Variants in ZSWIM9 observed in about 807,000 individuals in gnomAD.
ZSWIM9 encodes the protein uncharacterized protein ZSWIM9.
ZSWIM9 carries 11 observed loss-of-function variants against 25.0 expected under a neutral mutation model. That is an observed-to-expected ratio of 0.44 (90% CI 0.28 to 0.73). The LOEUF (loss-of-function observed/expected upper bound fraction) is 0.73, where lower values mean the gene tolerates loss of function less well. Ranked by LOEUF, ZSWIM9 falls within the 30% of genes least tolerant of loss-of-function variation. The probability of loss-of-function intolerance (pLI) is 0.16; values close to 1 mark genes in which losing one functional copy is unlikely to be tolerated. For missense variants in ZSWIM9, 1,070 were observed against 1,296.5 expected (o/e 0.83, Z 2.68); for synonymous variants, 562 against 582.1 (o/e 0.97, Z 0.50).
At chr19:48,179,147 T>C (rs1330273975) in intron 2 of ZSWIM9, among the ~76,000 whole-genome samples, 1 of 152,152 alleles carries the variant, frequency 6.6e-6, no homozygotes, top group Non-Finnish European at 1.5e-5. Context: ...CTGATTTTTT[T>C]TTCCTATTCC....
chr19:48,189,248 C>A (rs1240973429), intron 3 of ZSWIM9, among the ~76,000 whole-genome samples: 1 of 152,166 alleles, frequency 6.6e-6, no homozygotes, highest in Non-Finnish European at 1.5e-5. Context: ...CCAGACTCCA[C>A]CAACGGGTAA....
chr19:48,172,111 GAA>G, intron 2 of ZSWIM9, 34 bp downstream of exon 2: 1 of 934,726 alleles, frequency 1.1e-6, no homozygotes, highest in East Asian at 5.4e-5. Context: ...CTGCTGGGGG[GAA>G]GGGGAGCACC....
Position 48,194,460 on chromosome 19 carries a change from C to A in ZSWIM9, c.589-193C>A, listed in dbSNP as rs1479267158. 6.6e-6 allele frequency among the ~76,000 whole-genome samples: 1 copy of A among 152,222 alleles called. No homozygotes were observed. The highest frequency in any genetic ancestry group is 1.9e-4 in the East Asian group (1 of 5,194). ...GTGGTACCTGGATCTCAAACCCAGG[C>A]AATCCGGCTCCAGAGTGTTTTTAAC... is the stretch of plus-strand genomic sequence containing the variant. On this transcript the variant is annotated intron_variant, in intron 3 of 3. Coordinates refer to ENST00000614654, the MANE Select transcript of ZSWIM9 (RefSeq NM_199341.4). This position sits in a 1 kb window ranked among gnomAD's most constrained non-coding sequence, Gnocchi z 6.0.
intron 1 of ZSWIM9, among the ~76,000 whole-genome samples, chr19:48,171,591 A>C (rs1319758653): frequency 2.0e-5 from 3 of 152,128 alleles, no homozygotes. Flanking sequence ...CAAGTGAACC[A>C]GGGATAAGGC....
At chr19:48,193,003 C>G (rs1294046346) in intron 3 of ZSWIM9, 2 of 155,310 alleles carry the variant, frequency 1.3e-5, no homozygotes, top group East Asian at 3.9e-4. Flanking sequence ...GTATTGCTAG[C>G]CAGGGACACT....
Position 48,187,600 on chromosome 19 carries a change from T to TAAA in ZSWIM9, c.588+4833_588+4834insAAA, listed in dbSNP as rs1489458152. 6.5e-3 allele frequency: 658 copies of TAAA among 101,498 alleles called. 19 individuals are homozygous for TAAA. The highest frequency in any genetic ancestry group is 0.025 in the African/African-American group (625 of 25,464). 6.3% of individuals were successfully genotyped at this position (101,498 alleles called of 1,614,324 possible). A position where few individuals can be genotyped will look rare whatever the true frequency, so the allele number is the denominator to read the frequency against. ...ATATTATATATTATATAATATAATA[T>TAAA]TATATATTATATTAATATTATAATA... is the stretch of plus-strand genomic sequence containing the variant. On this transcript the variant is annotated intron_variant, in intron 3 of 3. Transcript: ENST00000614654.
chr19:48,171,789 C>T lies in ZSWIM9; in HGVS notation c.-9-5C>T. The T allele has an allele frequency of 6.5e-7, 1 of 1,526,908 alleles. No homozygotes were observed. Among genetic ancestry groups the T allele is most frequent in the Non-Finnish European group, 8.8e-7 (1 of 1,142,600 alleles). The allele number at this position is 1,526,908 out of a possible 1,614,324, so 94.6% of individuals were successfully genotyped here. The stretch of plus-strand genomic sequence containing the variant: ...TATCCACCTGTTCTCCCCTCCTCCA[C>T]GCAGGCCCCCAGGATGGAGCGGCCG... On this transcript the variant is annotated splice_polypyrimidine_tract_variant and splice_region_variant and intron_variant, in intron 1 of 3. Transcript: ENST00000614654.
intron 3 of ZSWIM9, chr19:48,187,538 T>TATTA (rs2037038658): frequency 3.6e-5 from 1 of 27,620 alleles, no homozygotes; most frequent in Non-Finnish European, 7.9e-5. Context: ...TATATTATTA[T>TATTA]TATATTATAT....
Position 48,183,838 on chromosome 19 carries a change from G to C in ZSWIM9, c.588+1071G>C, listed in dbSNP as rs1282252979. On this transcript the variant is annotated intron_variant, in intron 3 of 3. Coordinates refer to ENST00000614654, the MANE Select transcript of ZSWIM9 (RefSeq NM_199341.4). ...TTTTGTAGAGATGTTTGGCGGGGGG[G>C]GGTCTCCCTATGTTGCCCAGGCTAG... Among the ~76,000 whole-genome samples, 11 of 150,984 alleles carry C rather than the reference G, an allele frequency of 7.3e-5. No homozygotes were observed. In the East Asian group the frequency reaches 1.2e-3, roughly 16 times the overall value.
At chr19:48,184,538 T>C (rs1298072516) in intron 3 of ZSWIM9, among the ~76,000 whole-genome samples, 1 of 152,194 alleles carries the variant, frequency 6.6e-6, no homozygotes, top group African/African-American at 2.4e-5. Flanking sequence ...TCTGGCACAC[T>C]CTTCCTGTCT....
At chr19:48,180,264 C>A (rs2036934123) in intron 2 of ZSWIM9, among the ~76,000 whole-genome samples, 3 of 152,128 alleles carry the variant, frequency 2.0e-5, no homozygotes, top group Admixed American at 6.5e-5. Context: ...GATCCGCCCA[C>A]CTCGGCCTCC....
In ZSWIM9 at chr19:48,195,395, C is replaced by T. The variant is rs1473640046; in HGVS notation, c.1331C>T (p.Pro444Leu). Residue 444 changes from proline (P) to leucine (L), a missense_variant, in exon 4 of 4, where the codon CCC becomes CTC. Pro to Leu is a moderately conservative substitution (Grantham distance 98). This residue lies in a region of ZSWIM9 where 583 missense variants were observed against 624.7 expected (regional missense o/e 0.93). Transcript: ENST00000614654. The surrounding 1 kb of genome is among the most constrained non-coding windows in gnomAD (Gnocchi z 5.8). ...GCCGACGCGGCCGGGGAGGCGGTGCCCGAGGGGCCCGATGGCGGGGGGCCT... is the reference window on the plus strand; with the variant it reads ...GCCGACGCGGCCGGGGAGGCGGTGCTCGAGGGGCCCGATGGCGGGGGGCCT... The part of the protein sequence containing the change: ...QWADAAGEAV[P>L]EGPDGGGPWL... 6.8e-7 allele frequency: 1 copy of T among 1,476,670 alleles called. No homozygotes were observed. The highest frequency in any genetic ancestry group is 2.6e-5 in the East Asian group (1 of 38,782). 91.5% of individuals were successfully genotyped at this position (1,476,670 alleles called of 1,614,324 possible).
intron 2 of ZSWIM9, among the ~76,000 whole-genome samples, chr19:48,173,257 C>T (rs1168584410): frequency 6.6e-6 from 1 of 152,206 alleles, no homozygotes; most frequent in Admixed American, 6.5e-5. Flanking sequence ...GAATCACACC[C>T]AGGTGGCCAG....
At chr19:48,180,326 T>A (rs1226359221) in intron 2 of ZSWIM9, among the ~76,000 whole-genome samples, 5 of 32,666 alleles carry the variant, frequency 1.5e-4, no homozygotes, top group Non-Finnish European at 6.5e-5. Flanking sequence ...ATTCTTCCAA[T>A]TTTTTTTTTT....
At chr19:48,193,659 G>A (rs1461882764) in intron 3 of ZSWIM9, among the ~76,000 whole-genome samples, 1 of 152,214 alleles carries the variant, frequency 6.6e-6, no homozygotes, top group East Asian at 1.9e-4. Context: ...TGTCTGCTTA[G>A]TTGGGAAGTC....
At position 48,182,149 on chromosome 19, in the gene ZSWIM9, C is replaced by A; in HGVS notation, c.276-306C>A. The A allele has an allele frequency of 7.9e-6, 3 of 378,582 alleles. No individual in the cohort carries two copies. Among genetic ancestry groups the A allele is most frequent in the Non-Finnish European group, 9.5e-6 (2 of 211,368 alleles). The allele number at this position is 378,582 out of a possible 1,614,324, so 23.5% of individuals were successfully genotyped here. The stretch of plus-strand genomic sequence containing the variant: ...GTGGTAGGTATAGAATTTTAGTGAA[C>A]ACTTACTGCTTGCCATATTCCAGAC... On this transcript the variant is annotated intron_variant, in intron 2 of 3. Coordinates refer to ENST00000614654, the MANE Select transcript of ZSWIM9 (RefSeq NM_199341.4). The surrounding 1 kb of genome is among the most constrained non-coding windows in gnomAD (Gnocchi z 4.6).
chr19:48,179,014 A>G (rs1339493122), intron 2 of ZSWIM9, among the ~76,000 whole-genome samples: 4 of 152,218 alleles, frequency 2.6e-5, no homozygotes, highest in African/African-American at 9.6e-5. Context: ...AATGTTTGAC[A>G]GCTCCTGCTG....
At chr19:48,186,083 G>A (rs2037007437) in intron 3 of ZSWIM9, among the ~76,000 whole-genome samples, 2 of 152,232 alleles carry the variant, frequency 1.3e-5, no homozygotes, top group South Asian at 4.1e-4. Context: ...AGGCCAGTAT[G>A]ACTGAGGAAC....
intron 2 of ZSWIM9, 52 bp downstream of exon 2, chr19:48,172,129 TGGGTGTGGGTGGG>T: frequency 2.9e-6 from 1 of 349,934 alleles, no homozygotes. Flanking sequence ...GCACCGGGGG[TGGGTGTGGGTGGG>T]AGACGGGCAG....
Sources: allele counts gnomAD v4.1 joint callset (sites outside exome capture counted in the v4.1 genomes callset), GRCh38; gene constraint gnomAD v4.1.1; regional missense constraint gnomAD v4.1.1; non-coding constraint Gnocchi (gnomAD v3.1); transcripts MANE v1.5; gene names NCBI Gene and HGNC (gene_info 2026-07-23, HGNC 2026-07-21).